Variants in CDH18 observed in about 807,000 individuals in gnomAD.
CDH18 encodes the protein cadherin 18.
CDH18 carries 31 observed loss-of-function variants against 67.9 expected under a neutral mutation model. That is an observed-to-expected ratio of 0.46 (90% CI 0.34 to 0.62). The LOEUF is 0.62. Ranked by LOEUF, CDH18 falls within the 20% of genes least tolerant of loss-of-function variation. The pLI, the probability that CDH18 is intolerant of heterozygous loss-of-function variation, is 0.01. For missense variants in CDH18, 890 were observed against 975.5 expected, an observed-to-expected ratio of 0.91 and a Z score of 1.17; for synonymous variants, 362 against 347.2, an observed-to-expected ratio of 1.04 and a Z score of -0.48.
chr5:19,576,737 G>A (rs906983807), intron 7 of CDH18, among the ~76,000 whole-genome samples: 1 of 152,128 alleles, frequency 6.6e-6, no homozygotes, highest in Non-Finnish European at 1.5e-5. Context: ...CCCTGACTGG[G>A]TATATAGCCA....
chr5:19,927,046 A>G (rs988715846), intron 2 of CDH18, among the ~76,000 whole-genome samples: 3 of 152,136 alleles, frequency 2.0e-5, no homozygotes, highest in African/African-American at 7.2e-5. Flanking sequence ...GTTGGCCTTG[A>G]CAGTGTCGAG....
At chr5:20,125,447 T>G (rs1020235177) in intron 2 of CDH18, among the ~76,000 whole-genome samples, 1 of 152,174 alleles carries the variant, frequency 6.6e-6, no homozygotes, top group Non-Finnish European at 1.5e-5. Context: ...TCATCTTATA[T>G]GTAGAATATA....
intron 1 of CDH18, among the ~76,000 whole-genome samples, chr5:20,491,334 G>A (rs550185354): frequency 8.5e-5 from 13 of 152,116 alleles, no homozygotes; most frequent in South Asian, 2.1e-4. Flanking sequence ...GGTAATGATC[G>A]TAAGTTTAGT....
At chr5:19,611,664 G>A (rs1295614162) in intron 6 of CDH18, among the ~76,000 whole-genome samples, 2 of 152,024 alleles carry the variant, frequency 1.3e-5, no homozygotes, top group Non-Finnish European at 2.9e-5. Flanking sequence ...TTTGTAAGAG[G>A]AACATAAGAG....
At chr5:19,717,841 G>A (rs1442996884) in intron 5 of CDH18, among the ~76,000 whole-genome samples, 3 of 151,912 alleles carry the variant, frequency 2.0e-5, no homozygotes, top group Non-Finnish European at 4.4e-5. Flanking sequence ...AATAGCATAT[G>A]TATTTTATAT....
intron 6 of CDH18, among the ~76,000 whole-genome samples, chr5:19,607,915 C>G (rs1379150731): frequency 6.6e-6 from 1 of 151,550 alleles, no homozygotes; most frequent in Non-Finnish European, 1.5e-5. Context: ...GAACTATAGA[C>G]ATATATTTCA....
At chr5:20,201,407 C>T (rs1039155666) in intron 2 of CDH18, among the ~76,000 whole-genome samples, 1 of 152,002 alleles carries the variant, frequency 6.6e-6, no homozygotes, top group African/African-American at 2.4e-5. Context: ...TAACTTTTTG[C>T]CAGACACAGT....
In CDH18 at chr5:20,019,465, T is replaced by C. The variant is rs533382866; in HGVS notation, c.-517-27451A>G. Among the ~76,000 whole-genome samples the C allele has an allele frequency of 2.6e-4, 39 of 152,212 alleles. No homozygotes were observed. The South Asian group carries it at 7.3e-3, about 28-fold the overall frequency. On this transcript the variant is annotated intron_variant, in intron 2 of 14. Transcript: ENST00000507958. ...GGAGGAAGGGCCTTGTGGGAGGTGATTGGATCATGGGGGCCAATTTGCCTC... is the reference window on the plus strand; with the variant it reads ...GGAGGAAGGGCCTTGTGGGAGGTGACTGGATCATGGGGGCCAATTTGCCTC...
At chr5:20,278,852 C>T (rs539864990) in intron 1 of CDH18, among the ~76,000 whole-genome samples, 1 of 151,966 alleles carries the variant, frequency 6.6e-6, no homozygotes, top group Admixed American at 6.6e-5. Context: ...GTTTGAAAGC[C>T]TCTTGGTAAC....
At chr5:19,701,429 G>C (rs1018638773) in intron 5 of CDH18, among the ~76,000 whole-genome samples, 1 of 152,016 alleles carries the variant, frequency 6.6e-6, no homozygotes, top group African/African-American at 2.4e-5. Flanking sequence ...AAGAGTGAGG[G>C]AGATGAGACC....
At chr5:19,578,146 C>T (rs963760259) in intron 7 of CDH18, among the ~76,000 whole-genome samples, 1 of 152,152 alleles carries the variant, frequency 6.6e-6, no homozygotes, top group Non-Finnish European at 1.5e-5. Context: ...ACTGGTTTCT[C>T]GAGTTCCTCA....
At chr5:20,045,014 C>T (rs1740784792) in intron 2 of CDH18, among the ~76,000 whole-genome samples, 1 of 152,058 alleles carries the variant, frequency 6.6e-6, no homozygotes, top group African/African-American at 2.4e-5. Context: ...TGTTTAGTGG[C>T]TACCCAAAAT....
intron 3 of CDH18, among the ~76,000 whole-genome samples, chr5:19,772,581 A>T (rs1184376850): frequency 6.6e-6 from 1 of 152,206 alleles, no homozygotes; most frequent in Non-Finnish European, 1.5e-5. Flanking sequence ...AGAAATTGTG[A>T]CTTCCAGAAC....
chr5:20,524,524 T>C (rs1254115655), intron 1 of CDH18, among the ~76,000 whole-genome samples: 1 of 152,172 alleles, frequency 6.6e-6, no homozygotes, highest in African/African-American at 2.4e-5. Context: ...TTATTTAATA[T>C]ATCAGGAGAC....
intron 10 of CDH18, among the ~76,000 whole-genome samples, chr5:19,517,932 T>C (rs1746294017): frequency 6.6e-6 from 1 of 152,006 alleles, no homozygotes; most frequent in Non-Finnish European, 1.5e-5. Flanking sequence ...AAGCTGCTGT[T>C]ATTACCAGTA....
chr5:20,418,242 A>ATTTTTT lies in CDH18; in HGVS notation c.-580+157214_-580+157219dup, dbSNP rs58308147. ...AGGTGTCTGCCACCACTGCTGGCTA[A>ATTTTTT]TTTTTTTTTTTTTTTTTTTTTTTTG... is the stretch of plus-strand genomic sequence containing the variant. On this transcript the variant is annotated intron_variant, in intron 1 of 14. Transcript: ENST00000507958. Among the ~76,000 whole-genome samples the ATTTTTT allele has an allele frequency of 8.3e-3, 474 of 56,846 alleles. 13 individuals are homozygous for ATTTTTT. Among genetic ancestry groups the ATTTTTT allele is most frequent in the Non-Finnish European group, 0.01 (352 of 34,802 alleles). The allele number at this position is 56,846 out of a possible 152,430, so 37.3% of individuals were successfully genotyped here.
At chr5:20,547,908 TAAA>T (rs1757429059) in intron 1 of CDH18, among the ~76,000 whole-genome samples, 1 of 152,004 alleles carries the variant, frequency 6.6e-6, no homozygotes, top group Non-Finnish European at 1.5e-5. Context: ...TTTACAGATA[TAAA>T]ATATAAAATA....
At chr5:20,390,464 C>T (rs868129409) in intron 1 of CDH18, among the ~76,000 whole-genome samples, 2 of 151,996 alleles carry the variant, frequency 1.3e-5, no homozygotes, top group Non-Finnish European at 2.9e-5. Flanking sequence ...GTTAGAATGG[C>T]GATCATTAAA....
intron 5 of CDH18, among the ~76,000 whole-genome samples, chr5:19,615,852 A>G (rs978139878): frequency 6.6e-6 from 1 of 152,108 alleles, no homozygotes; most frequent in African/African-American, 2.4e-5. Context: ...ATGTCTTTTC[A>G]CAGTGTGGTA....
Sources: allele counts gnomAD v4.1 joint callset (sites outside exome capture counted in the v4.1 genomes callset), GRCh38; gene constraint gnomAD v4.1.1; transcripts MANE v1.5; gene names NCBI Gene and HGNC (gene_info 2026-07-23, HGNC 2026-07-21).